The following SNX25 variants were observed in gnomAD, a reference collection of about 807,000 sequenced individuals.
SNX25 encodes sorting nexin 25.
Under a neutral mutation model 113.7 loss-of-function variants are expected in SNX25, and 62 were observed. The observed-to-expected ratio is 0.55, with a 90% CI of 0.44 to 0.67. The LOEUF (loss-of-function observed/expected upper bound fraction) is 0.67. Among genes scored for constraint, SNX25 ranks in the 30% least tolerant of loss-of-function variants. The pLI, the probability that SNX25 is intolerant of heterozygous loss-of-function variation, is 0.00. For synonymous variants in SNX25, 421 were observed against 436.2 expected (o/e 0.97, Z 0.43); for missense variants, 1,014 against 1,161.0 (o/e 0.87, Z 1.84).
At chr4:185,317,212 T>C (rs1469900890) in intron 7 of SNX25, among the ~76,000 whole-genome samples, 4 of 151,896 alleles carry the variant, frequency 2.6e-5, no homozygotes, top group Admixed American at 2.6e-4. Context: ...AACAAACATA[T>C]GAAAAAAAAG....
intron 12 of SNX25, among the ~76,000 whole-genome samples, chr4:185,343,593 A>G (rs1043443947): frequency 7.2e-5 from 11 of 152,240 alleles, no homozygotes; most frequent in African/African-American, 2.4e-4. Context: ...GGCTAAATCA[A>G]GATTATTAAT....
At chr4:185,374,147 C>T (rs1469689147), downstream of SNX25, 1 of 1,613,832 alleles carries the variant, frequency 6.2e-7, no homozygotes, top group African/African-American at 1.3e-5. Flanking sequence ...TTTCTAACTC[C>T]TTGGGCTCCT....
intron 15 of SNX25, among the ~76,000 whole-genome samples, chr4:185,354,231 A>G (rs1276031971): frequency 6.6e-6 from 1 of 152,200 alleles, no homozygotes. Context: ...CCTTGTCACT[A>G]AAAGTTATAC....
chr4:185,210,248 C>T lies in SNX25; in HGVS notation c.422C>T (p.Pro141Leu). Residue 141 changes from proline to leucine, a missense_variant, in exon 1 of 19, where the codon CCG becomes CTG. Physicochemically the swap from Pro to Leu is moderately conservative, Grantham distance 98 (BLOSUM62 -3). Transcript: ENST00000652585. This position sits in a 1 kb window ranked among gnomAD's most constrained non-coding sequence, Gnocchi z 4.4. ...GCCGCGACCTCAGCCGCCCGCCGCCCGCCGGGGGTAAGTACCCGACTCCTG... is the reference window on the plus strand; with the variant it reads ...GCCGCGACCTCAGCCGCCCGCCGCCTGCCGGGGGTAAGTACCCGACTCCTG... ...RLAATSAARR[P>L]PGSPVYGNSH... is the part of the protein sequence containing the mutation. The T allele has an allele frequency of 2.0e-6, 2 of 984,992 alleles. No individual in the cohort carries two copies. The highest frequency in any genetic ancestry group is 2.4e-6 in the Non-Finnish European group (2 of 830,076). 61.0% of individuals were successfully genotyped at this position (984,992 alleles called of 1,614,324 possible). A position where few individuals can be genotyped will look rare whatever the true frequency, so the allele number is the denominator to read the frequency against.
chr4:185,340,922 G>A (rs767595277), intron 11 of SNX25, among the ~76,000 whole-genome samples: 2 of 152,136 alleles, frequency 1.3e-5, no homozygotes, highest in African/African-American at 2.4e-5. Flanking sequence ...CAAGCTGGAC[G>A]TGCCTGTATT....
chr4:185,210,494 C>T lies in SNX25; in HGVS notation c.429+239C>T, dbSNP rs74928151. 0.16 allele frequency among the ~76,000 whole-genome samples: 24,320 copies of T among 152,134 alleles called. 2,283 individuals carry two copies. The highest frequency in any genetic ancestry group is 0.26 in the African/African-American group (10,945 of 41,522). ...TGCTGGAGGAGATGCGCGTTATTTA[C>T]TGGGCTCTGTAGTCACTCGACAACC... On this transcript the variant is annotated intron_variant, in intron 1 of 18. Transcript: ENST00000652585. This position sits in a 1 kb window ranked among gnomAD's most constrained non-coding sequence, Gnocchi z 4.4.
At chr4:185,366,474 C>T (rs539173374), downstream of SNX25, 2 of 152,276 alleles carry the variant, frequency 1.3e-5, no homozygotes, top group Admixed American at 1.3e-4. Flanking sequence ...TTTGGAGGGG[C>T]AAGATTCTAA....
At chr4:185,325,532 C>CAAAAAAAA (rs34665853) in intron 9 of SNX25, among the ~76,000 whole-genome samples, 1 of 111,666 alleles carries the variant, frequency 9.0e-6, no homozygotes, top group Non-Finnish European at 1.7e-5. Context: ...GACTCCGTCT[C>CAAAAAAAA]AAAAAAAAAA....
chr4:185,315,581 A>G (rs1201840935), intron 7 of SNX25, among the ~76,000 whole-genome samples: 3 of 152,176 alleles, frequency 2.0e-5, no homozygotes, highest in Admixed American at 1.3e-4. Flanking sequence ...GGCATGAGCC[A>G]CTGTGTCTGG....
In SNX25 at chr4:185,361,846, C is replaced by T. The variant is rs548837432; in HGVS notation, c.2652-78C>T. On this transcript the variant is annotated intron_variant, in intron 16 of 18. Coordinates refer to ENST00000652585, the MANE Select transcript of SNX25 (RefSeq NM_001378034.2). ...TTAGATCAGGCTGTATCTTAACCTT[C>T]GTATTGATAAGTGCCTTTTGAGAAT... 1.3e-4 allele frequency: 177 copies of T among 1,380,192 alleles called. 1 individual carries two copies. In the South Asian group the frequency reaches 2.1e-3, roughly 16 times the overall value. 85.5% of individuals were successfully genotyped at this position (1,380,192 alleles called of 1,614,324 possible).
chr4:185,223,735 C>T (rs1028680981), intron 1 of SNX25, among the ~76,000 whole-genome samples: 18 of 94,528 alleles, frequency 1.9e-4, no homozygotes, highest in South Asian at 7.7e-4. Context: ...GAGCCGAGAT[C>T]GTGCCGAAAA....
chr4:185,374,360 A>T, downstream of SNX25: 1 of 1,614,134 alleles, frequency 6.2e-7, no homozygotes, highest in South Asian at 1.1e-5. Context: ...CTTTTCCTTC[A>T]TAATAAGCTC....
intron 5 of SNX25, among the ~76,000 whole-genome samples, chr4:185,267,884 A>G (rs1028176663): frequency 2.0e-5 from 3 of 152,246 alleles, no homozygotes; most frequent in African/African-American, 7.2e-5. Context: ...AAGCTGGAGA[A>G]AAGAAAATAT....
intron 5 of SNX25, among the ~76,000 whole-genome samples, chr4:185,286,874 C>T (rs1751418194): frequency 6.6e-6 from 1 of 152,142 alleles, no homozygotes; most frequent in Non-Finnish European, 1.5e-5. Context: ...CCATGAGTAG[C>T]TATGACTAAG....
rs573720064 is a variant in SNX25 at position 185,362,400 on chromosome 4, G to A, written c.2834-211G>A. 72 of 939,000 alleles carry A rather than the reference G, an allele frequency of 7.7e-5. 1 individual carries two copies. The highest frequency in any genetic ancestry group is 5.5e-4 in the Middle Eastern group (1 of 1,826). 58.2% of individuals were successfully genotyped at this position (939,000 alleles called of 1,614,324 possible). A position where few individuals can be genotyped will look rare whatever the true frequency, so the allele number is the denominator to read the frequency against. On this transcript the variant is annotated intron_variant, in intron 17 of 18. Transcript: ENST00000652585. Reference sequence around the variant, plus strand: ...ATTAACATTTTAATTATTAAAATTCGTAGTTGAAAAATATTAAAATTGTAA... The same window carrying A: ...ATTAACATTTTAATTATTAAAATTCATAGTTGAAAAATATTAAAATTGTAA...
rs371457070 is a variant in SNX25, at chr4:185,239,287, T to G, written c.430-8007T>G. Among the ~76,000 whole-genome samples the G allele has an allele frequency of 3.1e-3, 470 of 151,620 alleles. 3 individuals are homozygous for G. The highest frequency in any genetic ancestry group is 9.5e-3 in the African/African-American group (391 of 41,216). ...ACTTGAGGTCAGGAGATCGAGACCA[T>G]CCTGGCCAACACGGTGAAACTCCGT... On this transcript the variant is annotated intron_variant, in intron 1 of 18. Coordinates refer to ENST00000652585, the MANE Select transcript of SNX25 (RefSeq NM_001378034.2).
rs757953951 is a variant in SNX25, at chr4:185,267,168, C to T, written c.1091+13C>T. The T allele has an allele frequency of 4.4e-6, 7 of 1,604,400 alleles. No individual in the cohort carries two copies. Among genetic ancestry groups the T allele is most frequent in the Middle Eastern group, 3.3e-4 (2 of 6,018 alleles). On this transcript the variant is annotated intron_variant, in intron 5 of 18. Coordinates refer to ENST00000652585, the MANE Select transcript of SNX25 (RefSeq NM_001378034.2). Reference sequence around the variant, plus strand: ...TGAAGCAACTAAGGTATTTGGTCTTCAATTATAGCACAGCAACAGCTACTG... The same window carrying T: ...TGAAGCAACTAAGGTATTTGGTCTTTAATTATAGCACAGCAACAGCTACTG...
rs2126710678 is a variant in SNX25 at position 185,334,457 on chromosome 4, C to T, written c.1914+1698C>T. 6.6e-6 allele frequency among the ~76,000 whole-genome samples: 1 copy of T among 152,310 alleles called. No individual in the cohort carries two copies. The highest frequency in any genetic ancestry group is 2.1e-4 in the South Asian group (1 of 4,820). ...TCTCCCCCTTATGTGGAGTCACTCC[C>T]ATTTACTACATACAGAACTCGAAAG... is the stretch of plus-strand genomic sequence containing the variant. On this transcript the variant is annotated intron_variant, in intron 10 of 18. Transcript: ENST00000652585. The surrounding 1 kb of genome is among the most constrained non-coding windows in gnomAD (Gnocchi z 4.2).
Position 185,210,256 on chromosome 4 carries a change from G to A in SNX25, c.429+1G>A. On this transcript the variant is annotated splice_donor_variant, in intron 1 of 18. Transcript: ENST00000652585. LOFTEE classifies it high-confidence loss of function. This position sits in a 1 kb window ranked among gnomAD's most constrained non-coding sequence, Gnocchi z 4.4. Reference sequence around the variant, plus strand: ...CTCAGCCGCCCGCCGCCCGCCGGGGGTAAGTACCCGACTCCTGGCCGCCCA... The same window carrying A: ...CTCAGCCGCCCGCCGCCCGCCGGGGATAAGTACCCGACTCCTGGCCGCCCA... 1.0e-6 allele frequency: 1 copy of A among 984,962 alleles called. No individual in the cohort carries two copies. The highest frequency in any genetic ancestry group is 1.2e-6 in the Non-Finnish European group (1 of 830,068). 61.0% of individuals were successfully genotyped at this position (984,962 alleles called of 1,614,324 possible). A position where few individuals can be genotyped will look rare whatever the true frequency, so the allele number is the denominator to read the frequency against.
Sources: allele counts gnomAD v4.1 joint callset (sites outside exome capture counted in the v4.1 genomes callset), GRCh38; gene constraint gnomAD v4.1.1; non-coding constraint Gnocchi (gnomAD v3.1); transcripts MANE v1.5; gene names NCBI Gene and HGNC (gene_info 2026-07-23, HGNC 2026-07-21).